The following HDAC9 variants were observed in gnomAD, a reference collection of about 807,000 sequenced individuals.
The protein encoded by HDAC9 is MEF-2 interacting transcription repressor (MITR) protein.
HDAC9 carries 41 observed loss-of-function variants against 139.4 expected under a neutral mutation model. The observed-to-expected ratio is 0.29, with a 90% CI of 0.23 to 0.38. HDAC9 has a LOEUF of 0.38. HDAC9 is among the 10% of genes least tolerant of loss of function. HDAC9 has a pLI of 1.00. For missense variants in HDAC9, 1,147 were observed against 1,297.0 expected, an observed-to-expected ratio of 0.88 and a Z score of 1.78; for synonymous variants, 517 against 476.2, an observed-to-expected ratio of 1.09 and a Z score of -1.12.
chr7:18,652,607 C>T (rs1789653551), intron 11 of HDAC9, among the ~76,000 whole-genome samples: 2 of 151,962 alleles, frequency 1.3e-5, no homozygotes, highest in South Asian at 4.1e-4. Context: ...CTGCCATGCC[C>T]CATCCCCTTG....
At chr7:18,553,146 A>C (rs779007678) in intron 2 of HDAC9, among the ~76,000 whole-genome samples, 1 of 152,132 alleles carries the variant, frequency 6.6e-6, no homozygotes, top group Non-Finnish European at 1.5e-5. Context: ...GTATTTTGGC[A>C]TGGCCCAAGT....
intron 1 of HDAC9, among the ~76,000 whole-genome samples, chr7:18,361,343 T>A (rs914904920): frequency 6.6e-6 from 1 of 152,160 alleles, no homozygotes; most frequent in Non-Finnish European, 1.5e-5. Flanking sequence ...AAGCCTCTTA[T>A]CCACCCACAC....
intron 1 of HDAC9, chr7:18,327,798 T>G (rs1481176320): frequency 6.6e-6 from 1 of 151,998 alleles, no homozygotes; most frequent in Non-Finnish European, 1.5e-5. Context: ...CTTACCAAAC[T>G]TCCTGATTTT....
upstream of HDAC9, among the ~76,000 whole-genome samples, chr7:18,286,951 T>C (rs1215467199): frequency 6.6e-6 from 1 of 152,206 alleles, no homozygotes; most frequent in African/African-American, 2.4e-5. Context: ...ATAAAAGAGA[T>C]AATGTAATGA....
intron 14 of HDAC9, among the ~76,000 whole-genome samples, chr7:18,757,692 C>T (rs748548982): frequency 8.4e-4 from 127 of 152,074 alleles, no homozygotes; most frequent in Non-Finnish European, 7.4e-4. Context: ...TTCCTTTTTT[C>T]CCTGCTCCTT....
At chr7:18,210,763 G>T (rs956657791) in intron 2 of HDAC9, among the ~76,000 whole-genome samples, 15 of 152,138 alleles carry the variant, frequency 9.9e-5, no homozygotes, top group Admixed American at 8.5e-4. Flanking sequence ...GTTATAAAAT[G>T]ACAAATTTTA....
At chr7:18,776,018 A>G (rs576343555) in intron 16 of HDAC9, among the ~76,000 whole-genome samples, 28 of 152,028 alleles carry the variant, frequency 1.8e-4, no homozygotes, top group African/African-American at 6.5e-4. Flanking sequence ...TGAAGCCTCA[A>G]CCTCCTGGGC....
chr7:18,624,366 TCTGTTTTA>T (rs1841071002), intron 6 of HDAC9, among the ~76,000 whole-genome samples: 1 of 152,308 alleles, frequency 6.6e-6, no homozygotes, highest in African/African-American at 2.4e-5. Context: ...TTGGGTCTGT[TCTGTTTTA>T]CTATTGATTG....
chr7:18,725,665 A>C (rs1785487603), intron 12 of HDAC9, among the ~76,000 whole-genome samples: 1 of 152,212 alleles, frequency 6.6e-6, no homozygotes, highest in Non-Finnish European at 1.5e-5. Context: ...ACAAAAAATC[A>C]GATAAACATG....
rs571370474 is a variant in HDAC9, at chr7:18,682,035, G to A, written c.1731+15559G>A. The stretch of plus-strand genomic sequence containing the variant: ...TGCATTTTTAAATTTAGAATAAAAG[G>A]TTAAATTTATTAAGAAAAGGAAATG... On this transcript the variant is annotated intron_variant, in intron 12 of 25. Transcript: ENST00000686413. Among the ~76,000 whole-genome samples the A allele has an allele frequency of 1.4e-4, 22 of 152,080 alleles. 1 individual carries two copies. In the East Asian group the frequency reaches 4.3e-3, roughly 30 times the overall value.
intron 1 of HDAC9, among the ~76,000 whole-genome samples, chr7:18,142,630 A>G (rs1380763670): frequency 6.6e-6 from 1 of 152,202 alleles, no homozygotes; most frequent in Non-Finnish European, 1.5e-5. Context: ...ACAACTGGTC[A>G]GAGAGTTTTG....
intron 12 of HDAC9, among the ~76,000 whole-genome samples, chr7:18,690,293 A>G (rs1355123443): frequency 1.3e-5 from 2 of 152,084 alleles, no homozygotes; most frequent in Non-Finnish European, 1.5e-5. Context: ...TGCATTTATG[A>G]AACTAAAATA....
At chr7:18,382,565 T>C (rs569732939) in intron 1 of HDAC9, among the ~76,000 whole-genome samples, 23 of 152,344 alleles carry the variant, frequency 1.5e-4, no homozygotes, top group African/African-American at 4.6e-4. Flanking sequence ...CCATGGAGTG[T>C]ATTATTTAGA....
chr7:18,836,553 C>G (rs964804249), intron 21 of HDAC9, among the ~76,000 whole-genome samples: 1 of 152,116 alleles, frequency 6.6e-6, no homozygotes, highest in Non-Finnish European at 1.5e-5. Context: ...TCCATTTTCT[C>G]TGGAACAAAA....
chr7:18,267,620 G>A (rs1269201035), intron 2 of HDAC9, among the ~76,000 whole-genome samples: 2 of 152,050 alleles, frequency 1.3e-5, no homozygotes, highest in African/African-American at 4.8e-5. Flanking sequence ...AAAATGACAG[G>A]ATTTCCTTTT....
At chr7:18,134,948 A>T (rs1345220148) in intron 1 of HDAC9, among the ~76,000 whole-genome samples, 2 of 152,202 alleles carry the variant, frequency 1.3e-5, no homozygotes, top group African/African-American at 4.8e-5. Context: ...AATGATTTTT[A>T]TAGTCAGTTT....
chr7:18,738,716 G>A (rs897014702), intron 13 of HDAC9, among the ~76,000 whole-genome samples: 1 of 152,072 alleles, frequency 6.6e-6, no homozygotes, highest in African/African-American at 2.4e-5. Context: ...TTCAACCTTG[G>A]TGTATTTGAT....
intron 1 of HDAC9, among the ~76,000 whole-genome samples, chr7:18,483,208 A>G (rs868110044): frequency 4.6e-5 from 7 of 152,228 alleles, no homozygotes; most frequent in Admixed American, 1.3e-4. Flanking sequence ...GTGAAAGAAA[A>G]CAAAGGCTTC....
intron 16 of HDAC9, among the ~76,000 whole-genome samples, chr7:18,789,290 A>ATG (rs1562942885): frequency 1.2e-4 from 16 of 133,732 alleles, no homozygotes; most frequent in Non-Finnish European, 2.3e-4. Context: ...ATACACGCAC[A>ATG]CACACACACA....
Sources: gnomAD v4.1 joint callset for allele counts (sites outside exome capture counted in the v4.1 genomes callset) on GRCh38, gnomAD v4.1.1 for gene constraint, MANE v1.5 for transcripts, NCBI Gene and HGNC (gene_info 2026-07-23, HGNC 2026-07-21) for gene names.